Variants in AGO3 observed in about 807,000 individuals in gnomAD.
AGO3 encodes the protein argonaute RISC catalytic component 3.
AGO3 carries 16 observed loss-of-function variants against 105.5 expected under a neutral mutation model. That is an observed-to-expected ratio of 0.15 (90% CI 0.10 to 0.23). The LOEUF (loss-of-function observed/expected upper bound fraction) is 0.23, where lower values mean the gene tolerates loss of function less well. Ranked by LOEUF, AGO3 falls within the 10% of genes least tolerant of loss-of-function variation. The pLI, the probability that AGO3 is intolerant of heterozygous loss-of-function variation, is 1.00. For missense variants in AGO3, 534 were observed against 1,088.0 expected, an observed-to-expected ratio of 0.49 and a Z score of 7.16; for synonymous variants, 340 against 367.3, an observed-to-expected ratio of 0.93 and a Z score of 0.85.
At position 36,027,778 on chromosome 1, in the gene AGO3, C is replaced by CAAA. The variant is rs529893386; in HGVS notation, c.1591+493_1591+495dup. On this transcript the variant is annotated intron_variant, in intron 12 of 18. Coordinates refer to ENST00000373191, the MANE Select transcript of AGO3 (RefSeq NM_024852.4). This position sits in a 1 kb window ranked among gnomAD's most constrained non-coding sequence, Gnocchi z 4.0. The stretch of plus-strand genomic sequence containing the variant: ...TGGGCGACAGAGCGAAAGTCCGTCT[C>CAAA]AAAAAAAAAAAAAAAGGGTTTCAGT... Among the ~76,000 whole-genome samples the CAAA allele has an allele frequency of 1.5e-5, 1 of 66,704 alleles. No individual in the cohort carries two copies. The allele number at this position is 66,704 out of a possible 152,430, so 43.8% of individuals were successfully genotyped here. A position where few individuals can be genotyped will look rare whatever the true frequency, so the allele number is the denominator to read the frequency against.
chr1:36,006,161 A>G (rs1640324217), intron 6 of AGO3, among the ~76,000 whole-genome samples: 2 of 151,616 alleles, frequency 1.3e-5, no homozygotes, highest in African/African-American at 4.8e-5. Flanking sequence ...TTCCTACTAC[A>G]GTAACCCAAG....
intron 2 of AGO3, among the ~76,000 whole-genome samples, chr1:35,962,871 T>C (rs148270573): frequency 6.6e-6 from 1 of 152,338 alleles, no homozygotes; most frequent in African/African-American, 2.4e-5. Flanking sequence ...CCTCAAAAGC[T>C]TGAAGTCATA....
At chr1:36,042,245 C>T (rs933412152) in intron 16 of AGO3, among the ~76,000 whole-genome samples, 1 of 152,020 alleles carries the variant, frequency 6.6e-6, no homozygotes, top group African/African-American at 2.4e-5. Flanking sequence ...CCACCACACC[C>T]GGCTAATTTT....
At chr1:36,054,619 G>A (rs1247029935) in intron 17 of AGO3, among the ~76,000 whole-genome samples, 2 of 152,074 alleles carry the variant, frequency 1.3e-5, no homozygotes, top group African/African-American at 2.4e-5. Flanking sequence ...AGTAGCTCAC[G>A]CCTGTAATTC....
intron 5 of AGO3, among the ~76,000 whole-genome samples, chr1:35,995,029 T>G (rs915132423): frequency 3.3e-5 from 5 of 151,512 alleles, no homozygotes; most frequent in Admixed American, 2.6e-4. Flanking sequence ...TGAAACCCTA[T>G]CTCTACTAAA....
chr1:36,015,329 C>A (rs377746911), intron 11 of AGO3, among the ~76,000 whole-genome samples: 1 of 152,214 alleles, frequency 6.6e-6, no homozygotes, highest in Admixed American at 6.5e-5. Flanking sequence ...GGGTACACCA[C>A]CCTCCAGGAA....
At chr1:35,975,370 T>A (rs1166988972) in intron 5 of AGO3, among the ~76,000 whole-genome samples, 1 of 151,850 alleles carries the variant, frequency 6.6e-6, no homozygotes, top group Non-Finnish European at 1.5e-5. Context: ...GTTTCTTTTT[T>A]AATGAACTGT....
intron 5 of AGO3, among the ~76,000 whole-genome samples, chr1:35,982,161 C>T (rs574579355): frequency 6.6e-6 from 1 of 152,254 alleles, no homozygotes; most frequent in Admixed American, 6.5e-5. Context: ...GGTGTGGTAG[C>T]TCACACCTGT....
In AGO3 at chr1:35,934,237, A is replaced by G. The variant is rs117157575; in HGVS notation, c.19+2792A>G. 1.6e-4 allele frequency among the ~76,000 whole-genome samples: 24 copies of G among 152,304 alleles called. No individual in the cohort carries two copies. The East Asian group carries it at 2.3e-3, about 15-fold the overall frequency. ...TTTTAGGTCCATACTATTCTAGTCT[A>G]TGTTTTCAGGTAATGTTAGACTACC... On this transcript the variant is annotated intron_variant, in intron 1 of 18. Transcript: ENST00000373191.
chr1:36,005,599 C>T, intron 6 of AGO3: 1 of 411,410 alleles, frequency 2.4e-6, no homozygotes, highest in Non-Finnish European at 3.3e-6. Context: ...AATATGTGAT[C>T]ATCTAAATGC....
chr1:36,033,312 G>C (rs1311263777), intron 12 of AGO3, among the ~76,000 whole-genome samples: 2 of 151,486 alleles, frequency 1.3e-5, no homozygotes, highest in Non-Finnish European at 2.9e-5. Flanking sequence ...ACTCTACCCT[G>C]GGTGACAGAA....
At chr1:36,022,581 T>G (rs2148828700) in intron 11 of AGO3, among the ~76,000 whole-genome samples, 1 of 152,210 alleles carries the variant, frequency 6.6e-6, no homozygotes, top group African/African-American at 2.4e-5. Flanking sequence ...GCTTTGGCTG[T>G]CAGATCCCAT....
chr1:36,038,665 A>AC (rs2148847890), intron 14 of AGO3, among the ~76,000 whole-genome samples: 1 of 152,336 alleles, frequency 6.6e-6, no homozygotes, highest in Admixed American at 6.5e-5. Context: ...GTCTGGAGGC[A>AC]GTGACCAGCT....
intron 11 of AGO3, 51 bp downstream of exon 11, chr1:36,014,099 A>T (rs1640755348): frequency 6.2e-7 from 1 of 1,609,162 alleles, no homozygotes; most frequent in African/African-American, 1.3e-5. Context: ...TTTAGACTTT[A>T]AATTACTCAT....
intron 1 of AGO3, among the ~76,000 whole-genome samples, chr1:35,932,578 A>G (rs927999654): frequency 6.6e-6 from 1 of 150,592 alleles, no homozygotes; most frequent in Non-Finnish European, 1.5e-5. Flanking sequence ...TTTTTTTACA[A>G]ATTTTGTTAC....
chr1:36,019,053 C>T (rs769252026), intron 11 of AGO3, among the ~76,000 whole-genome samples: 8 of 152,132 alleles, frequency 5.3e-5, no homozygotes, highest in Admixed American at 4.6e-4. Flanking sequence ...CCTGAAGTTT[C>T]GCTGCAGTGT....
At chr1:36,014,867 C>T (rs947011339) in intron 11 of AGO3, among the ~76,000 whole-genome samples, 3 of 151,634 alleles carry the variant, frequency 2.0e-5, no homozygotes, top group Admixed American at 6.6e-5. Context: ...TCCTTATAGA[C>T]TACTGTGAAT....
Position 36,060,949 on chromosome 1 carries a change from T to C in AGO3, c.*5204T>C, listed in dbSNP as rs2148869666. ...TAATTTAGAACTCTTGTTTTCCTAT[T>C]TCAGTCCTCATATTTGATCATAGAA... is the stretch of plus-strand genomic sequence containing the variant. On this transcript the variant is annotated 3_prime_UTR_variant, in exon 19 of 19. Coordinates refer to ENST00000373191, the MANE Select transcript of AGO3 (RefSeq NM_024852.4). 1.3e-5 allele frequency: 2 copies of C among 152,294 alleles called. No homozygotes were observed. The highest frequency in any genetic ancestry group is 4.1e-4 in the South Asian group (2 of 4,822). The allele number at this position is 152,294 out of a possible 1,614,324, so 9.4% of individuals were successfully genotyped here. A position where few individuals can be genotyped will look rare whatever the true frequency, so the allele number is the denominator to read the frequency against.
chr1:35,942,874 C>G (rs1483741644), intron 1 of AGO3, among the ~76,000 whole-genome samples: 1 of 152,198 alleles, frequency 6.6e-6, no homozygotes, highest in Admixed American at 6.5e-5. Flanking sequence ...TTTAACAAAT[C>G]TGCATTTGCT....
Sources: gnomAD v4.1 joint callset for allele counts (sites outside exome capture counted in the v4.1 genomes callset) on GRCh38, gnomAD v4.1.1 for gene constraint, Gnocchi (gnomAD v3.1) non-coding constraint, MANE v1.5 for transcripts, NCBI Gene and HGNC (gene_info 2026-07-23, HGNC 2026-07-21) for gene names.